CTIF: variants seen among roughly 807,000 people sequenced by gnomAD.
CTIF encodes CBP80/20-dependent translation initiation factor.
CTIF carries 21 observed loss-of-function variants against 66.0 expected under a neutral mutation model. That is an observed-to-expected ratio of 0.32 (90% CI 0.23 to 0.46). CTIF has a LOEUF of 0.46. Among genes scored for constraint, CTIF ranks in the 20% least tolerant of loss-of-function variants. CTIF has a pLI of 1.00. For synonymous variants in CTIF, 345 were observed against 326.4 expected, an observed-to-expected ratio of 1.06 and a Z score of -0.62; for missense variants, 739 against 812.7, an observed-to-expected ratio of 0.91 and a Z score of 1.10.
chr18:48,546,948 G>A (rs770639970), intron 1 of CTIF, among the ~76,000 whole-genome samples: 9 of 152,194 alleles, frequency 5.9e-5, no homozygotes, highest in Non-Finnish European at 1.0e-4. Context: ...CCTCAAGAGA[G>A]AAATTAGCAT....
At chr18:48,801,293 C>A (rs1309584065) in intron 9 of CTIF, among the ~76,000 whole-genome samples, 1 of 152,224 alleles carries the variant, frequency 6.6e-6, no homozygotes, top group Non-Finnish European at 1.5e-5. Context: ...TCTCCAGAGG[C>A]AGGCACAGGC....
In CTIF at chr18:48,663,903, C is replaced by T; in HGVS notation, c.326+78C>T. On this transcript the variant is annotated intron_variant, in intron 4 of 11. Coordinates refer to ENST00000256413, the MANE Select transcript of CTIF (RefSeq NM_014772.3). ...GGCTTCCTTGGGGACGGAATGAACG[C>T]TGATGGTTCATGAGCAAGAGGCAGA... is the stretch of plus-strand genomic sequence containing the variant. 6 of 1,269,608 alleles carry T rather than the reference C, an allele frequency of 4.7e-6. No homozygotes were observed. In the South Asian group the frequency reaches 7.1e-5, roughly 15 times the overall value. The allele number at this position is 1,269,608 out of a possible 1,614,324, so 78.6% of individuals were successfully genotyped here.
At chr18:48,838,532 C>T (rs941514037) in intron 10 of CTIF, among the ~76,000 whole-genome samples, 1 of 152,184 alleles carries the variant, frequency 6.6e-6, no homozygotes, top group African/African-American at 2.4e-5. Context: ...AGTCACACTT[C>T]ATAGAAAGCA....
intron 1 of CTIF, among the ~76,000 whole-genome samples, chr18:48,592,282 T>A (rs1474421113): frequency 3.9e-5 from 6 of 152,044 alleles, no homozygotes; most frequent in Non-Finnish European, 8.8e-5. Flanking sequence ...GGTGGGCGGA[T>A]CAACTGAGGT....
chr18:48,718,044 C>T (rs1415058711), intron 7 of CTIF, among the ~76,000 whole-genome samples: 1 of 152,178 alleles, frequency 6.6e-6, no homozygotes, highest in African/African-American at 2.4e-5. Context: ...ACCCAGCTAC[C>T]TCTTCAACCT....
At chr18:48,690,310 G>C (rs1315879265) in intron 6 of CTIF, among the ~76,000 whole-genome samples, 2 of 152,104 alleles carry the variant, frequency 1.3e-5, no homozygotes, top group Non-Finnish European at 2.9e-5. Flanking sequence ...CCCCTTACCA[G>C]TCTGCCCTGG....
chr18:48,627,535 A>T (rs2090624840), intron 2 of CTIF, among the ~76,000 whole-genome samples: 1 of 151,946 alleles, frequency 6.6e-6, no homozygotes, highest in Non-Finnish European at 1.5e-5. Flanking sequence ...CCTGGGCAAC[A>T]TGGTGAAACT....
At position 48,757,459 on chromosome 18, in the gene CTIF, T is replaced by C. The variant is rs370012054; in HGVS notation, c.585-460T>C. On this transcript the variant is annotated intron_variant, in intron 7 of 11. Coordinates refer to ENST00000256413, the MANE Select transcript of CTIF (RefSeq NM_014772.3). ...AAACATTATGGTGAACAGTCATTCA[T>C]AGGAAGGTGCTTGTAAGAAGCAGGT... Among the ~76,000 whole-genome samples, 25 of 152,220 alleles carry C rather than the reference T, an allele frequency of 1.6e-4. No individual in the cohort carries two copies. In the East Asian group the frequency reaches 1.7e-3, roughly 11 times the overall value.
intron 2 of CTIF, among the ~76,000 whole-genome samples, chr18:48,633,912 T>G (rs1349770848): frequency 6.6e-6 from 1 of 152,178 alleles, no homozygotes; most frequent in African/African-American, 2.4e-5. Context: ...CTTACATAAC[T>G]ATAGAACCAT....
At chr18:48,847,248 C>T (rs1192593490) in intron 10 of CTIF, among the ~76,000 whole-genome samples, 1 of 143,210 alleles carries the variant, frequency 7.0e-6, no homozygotes, top group African/African-American at 2.7e-5. Context: ...GCAGAGGTTG[C>T]AGTGAGCCGA....
At chr18:48,634,431 A>G (rs1160175087) in intron 2 of CTIF, among the ~76,000 whole-genome samples, 1 of 152,222 alleles carries the variant, frequency 6.6e-6, no homozygotes, top group East Asian at 1.9e-4. Context: ...CAAAGAATTG[A>G]TTACTCCTAC....
intron 9 of CTIF, among the ~76,000 whole-genome samples, chr18:48,772,109 C>T (rs1055768628): frequency 3.3e-5 from 5 of 152,118 alleles, no homozygotes; most frequent in Non-Finnish European, 5.9e-5. Context: ...AATAGTGTTG[C>T]GTTATCTGAG....
intron 7 of CTIF, among the ~76,000 whole-genome samples, chr18:48,738,842 G>A (rs982308254): frequency 3.9e-5 from 6 of 152,208 alleles, no homozygotes; most frequent in South Asian, 2.1e-4. Context: ...AACCACTGTC[G>A]AGTAAGTGAA....
chr18:48,811,539 C>A (rs1443786284), intron 9 of CTIF, among the ~76,000 whole-genome samples: 2 of 152,172 alleles, frequency 1.3e-5, no homozygotes, highest in Non-Finnish European at 2.9e-5. Context: ...AAGACTGAAA[C>A]TCTCTACCTA....
intron 3 of CTIF, among the ~76,000 whole-genome samples, chr18:48,661,095 G>T (rs1354628461): frequency 6.6e-6 from 1 of 152,246 alleles, no homozygotes; most frequent in Non-Finnish European, 1.5e-5. Context: ...TGGCCCTCCT[G>T]TGTGCCTGGC....
intron 1 of CTIF, among the ~76,000 whole-genome samples, chr18:48,606,089 A>G (rs79021702): frequency 0.011 from 1,733 of 152,318 alleles, 30 homozygotes; most frequent in African/African-American, 0.04. Context: ...ATGTTCTACA[A>G]GGTAGTGGAT....
At chr18:48,629,785 G>C (rs1401840869) in intron 2 of CTIF, among the ~76,000 whole-genome samples, 1 of 152,122 alleles carries the variant, frequency 6.6e-6, no homozygotes, top group East Asian at 1.9e-4. Flanking sequence ...TCCTGGGTGA[G>C]TTACTTAACC....
chr18:48,651,821 AC>A (rs2091160444), intron 3 of CTIF, among the ~76,000 whole-genome samples: 1 of 152,180 alleles, frequency 6.6e-6, no homozygotes, highest in African/African-American at 2.4e-5. Context: ...CTCACTCAAA[AC>A]CACACAACTA....
At chr18:48,617,508 G>A (rs922936650) in intron 1 of CTIF, among the ~76,000 whole-genome samples, 3 of 152,230 alleles carry the variant, frequency 2.0e-5, no homozygotes, top group African/African-American at 7.2e-5. Flanking sequence ...ATGTGCCCAG[G>A]ATGAGGAGCA....
Sources: allele counts gnomAD v4.1 joint callset (sites outside exome capture counted in the v4.1 genomes callset), GRCh38; gene constraint gnomAD v4.1.1; transcripts MANE v1.5; gene names NCBI Gene and HGNC (gene_info 2026-07-23, HGNC 2026-07-21).